ATP1A3: variants seen among roughly 807,000 people sequenced by gnomAD.
ATP1A3 encodes sodium/potassium-transporting ATPase subunit alpha-3.
In ATP1A3, 12 loss-of-function variants were observed where a neutral mutation model predicts 108.8. The observed-to-expected ratio is 0.11, with a 90% confidence interval of 0.07 to 0.18. The LOEUF (loss-of-function observed/expected upper bound fraction) is 0.18. Among genes scored for constraint, ATP1A3 ranks in the 10% least tolerant of loss-of-function variants. The probability of loss-of-function intolerance (pLI) is 1.00; values close to 1 mark genes in which losing one functional copy is unlikely to be tolerated. For synonymous variants in ATP1A3, 539 were observed against 564.5 expected (o/e 0.95, Z 0.64); for missense variants, 498 against 1,387.7 (o/e 0.36, Z 10.19).
chr19:41,982,498 C>G (rs2075244241), intron 8 of ATP1A3, among the ~76,000 whole-genome samples: 1 of 152,050 alleles, frequency 6.6e-6, no homozygotes, highest in African/African-American at 2.4e-5. Flanking sequence ...TGATGGTACA[C>G]TCCTGTCATC....
chr19:41,977,131 C>T (rs570302619), intron 14 of ATP1A3, among the ~76,000 whole-genome samples: 7 of 151,098 alleles, frequency 4.6e-5, no homozygotes, highest in East Asian at 2.0e-4. Context: ...TTCAGAGGAA[C>T]GGAGATAAAT....
intron 1 of ATP1A3, among the ~76,000 whole-genome samples, chr19:41,989,958 C>T (rs569852915): frequency 4.6e-5 from 7 of 152,272 alleles, no homozygotes; most frequent in African/African-American, 1.7e-4. Context: ...CTCTGCCTTG[C>T]ATGATGTCTG....
intron 1 of ATP1A3, 180 bp downstream of exon 1, chr19:41,993,891 C>A (rs1227386552): frequency 7.7e-6 from 9 of 1,173,294 alleles, no homozygotes; most frequent in South Asian, 1.5e-5. Context: ...CGCCACAGAC[C>A]CCCCGCCGCC....
chr19:41,977,795 G>T, intron 14 of ATP1A3, 141 bp downstream of exon 14: 1 of 1,287,080 alleles, frequency 7.8e-7, no homozygotes, highest in Non-Finnish European at 1.1e-6. Flanking sequence ...CCGGAGGGAG[G>T]GCCAGACCCA....
At chr19:41,993,869 C>T (rs1555868150) in intron 1 of ATP1A3, 13 of 959,346 alleles carry the variant, frequency 1.4e-5, no homozygotes, top group Non-Finnish European at 2.0e-5. Context: ...CACACAAAGC[C>T]ATGCCAACGT....
At chr19:41,969,035 A>G in intron 19 of ATP1A3, 120 bp from the exon 20 acceptor site, 1 of 1,455,246 alleles carries the variant, frequency 6.9e-7, no homozygotes, top group Non-Finnish European at 9.5e-7. Flanking sequence ...TCAGGGCCTC[A>G]GGTGTGTCTT....
At chr19:41,971,733 G>A (rs997503704) in intron 16 of ATP1A3, among the ~76,000 whole-genome samples, 36 of 152,070 alleles carry the variant, frequency 2.4e-4, no homozygotes, top group African/African-American at 8.0e-4. Flanking sequence ...CTAGGAGGAG[G>A]GATATAGACT....
At position 41,981,165 on chromosome 19, in the gene ATP1A3, T is replaced by TA. The variant is rs535801511; in HGVS notation, c.1437+336dup. On this transcript the variant is annotated intron_variant, in intron 11 of 22. Transcript: ENST00000648268. This position sits in a 1 kb window ranked among gnomAD's most constrained non-coding sequence, Gnocchi z 5.0. ...GCACATACCACCACACCTGGCTAATTAAAAAAAAAATTTCGTACAGATGGG... is the reference window on the plus strand; with the variant it reads ...GCACATACCACCACACCTGGCTAATTAAAAAAAAAAATTTCGTACAGATGGG... Among the ~76,000 whole-genome samples, 3 of 149,114 alleles carry TA rather than the reference T, an allele frequency of 2.0e-5. No homozygotes were observed. Among genetic ancestry groups the TA allele is most frequent in the Non-Finnish European group, 4.5e-5 (3 of 67,142 alleles).
At chr19:41,993,506 C>T (rs1555868071) in intron 1 of ATP1A3, 1 of 42,888 alleles carries the variant, frequency 2.3e-5, no homozygotes, top group East Asian at 1.1e-3. Context: ...AGCCTGCACA[C>T]ACACACACAC....
chr19:41,993,645 A>AG (rs2075361342), intron 1 of ATP1A3: 2 of 674,030 alleles, frequency 3.0e-6, no homozygotes, highest in Non-Finnish European at 4.9e-6. Flanking sequence ...CCAGGGAAGC[A>AG]GGGGGGCCTC....
Position 41,994,176 on chromosome 19 carries a change from C to T in ATP1A3, c.-100G>A. 6 of 1,205,794 alleles carry T rather than the reference C, an allele frequency of 5.0e-6. No individual in the cohort carries two copies. The highest frequency in any genetic ancestry group is 6.7e-6 in the Non-Finnish European group (6 of 900,888). The allele number at this position is 1,205,794 out of a possible 1,614,324, so 74.7% of individuals were successfully genotyped here. A position where few individuals can be genotyped will look rare whatever the true frequency, so the allele number is the denominator to read the frequency against. ...CTGGGAGCCTCTGCAGCGCCCGCGC[C>T]TCGGTAGGTGCGCGCGTCCGTCCGT... On this transcript the variant is annotated 5_prime_UTR_variant, in exon 1 of 23. Transcript: ENST00000648268.
intron 5 of ATP1A3, 54 bp downstream of exon 5, chr19:41,986,062 C>T: frequency 6.2e-7 from 1 of 1,614,044 alleles, no homozygotes; most frequent in Non-Finnish European, 8.5e-7. Flanking sequence ...CTGGGCCCGG[C>T]CCCCAGCCCA....
intron 16 of ATP1A3, 122 bp downstream of exon 16, chr19:41,975,507 C>T (rs936030575): frequency 7.0e-7 from 1 of 1,432,728 alleles, no homozygotes; most frequent in Non-Finnish European, 9.5e-7. Context: ...TCAGGCTCCT[C>T]CAGGGCCAGG....
At chr19:41,991,704 G>A (rs574818809) in intron 1 of ATP1A3, among the ~76,000 whole-genome samples, 19 of 152,156 alleles carry the variant, frequency 1.2e-4, no homozygotes, top group African/African-American at 3.9e-4. Flanking sequence ...GGGCTGGGCC[G>A]GACTCTCAGA....
At chr19:41,991,831 G>A (rs1555867510) in intron 1 of ATP1A3, among the ~76,000 whole-genome samples, 1 of 150,926 alleles carries the variant, frequency 6.6e-6, no homozygotes, top group African/African-American at 2.4e-5. Flanking sequence ...TCTGAGGGAG[G>A]AGGGGCCAGG....
rs1183806692 is a variant in ATP1A3, at chr19:41,966,826, G to GCCA, written c.*108_*110dup. ...TGGAGGGGGTGGGGGCCAAGGTGGG[G>GCCA]CCACAGGAAGAGAGGGCTCCTCCCC... On this transcript the variant is annotated 3_prime_UTR_variant, in exon 23 of 23. Coordinates refer to ENST00000648268, the MANE Select transcript of ATP1A3 (RefSeq NM_152296.5). 1 of 1,543,032 alleles carries GCCA rather than the reference G, an allele frequency of 6.5e-7. No individual in the cohort carries two copies. The highest frequency in any genetic ancestry group is 1.4e-5 in the African/African-American group (1 of 72,618).
Position 41,968,769 on chromosome 19 carries a change from T to A in ATP1A3, c.2819+16A>T, listed in dbSNP as rs782461184. ...GACAGATGGCTGTCCAGTCACCATG[T>A]GCCCCCGGCCCTCACTTCATGCCCT... On this transcript the variant is annotated intron_variant, in intron 20 of 22. Transcript: ENST00000648268. The surrounding 1 kb of genome is among the most constrained non-coding windows in gnomAD (Gnocchi z 5.0). 1.7e-5 allele frequency: 28 copies of A among 1,613,554 alleles called. No individual in the cohort carries two copies. The highest frequency in any genetic ancestry group is 1.4e-5 in the Non-Finnish European group (17 of 1,179,646).
In ATP1A3 at chr19:41,986,276, C is replaced by T. The variant is rs782508469; in HGVS notation, c.358-47G>A. ...TTGATCAGGGGCCGCCCAAGCCACT[C>T]TCCACCAGTCCCTGCTCGCCTGGAG... On this transcript the variant is annotated intron_variant, in intron 4 of 22. Transcript: ENST00000648268. 1.9e-6 allele frequency: 3 copies of T among 1,585,132 alleles called. No homozygotes were observed. In the Admixed American group the frequency reaches 5.0e-5, roughly 27 times the overall value.
At chr19:41,993,064 G>A in intron 1 of ATP1A3, 1 of 170,120 alleles carries the variant, frequency 5.9e-6, no homozygotes, top group South Asian at 9.4e-5. Context: ...CCATCCCTGG[G>A]CCCATCAGCC....
Sources: gnomAD v4.1 joint callset for allele counts (sites outside exome capture counted in the v4.1 genomes callset) on GRCh38, gnomAD v4.1.1 for gene constraint, Gnocchi (gnomAD v3.1) non-coding constraint, MANE v1.5 for transcripts, NCBI Gene and HGNC (gene_info 2026-07-23, HGNC 2026-07-21) for gene names.